The following CCDC85C variants were observed in gnomAD, a reference collection of about 807,000 sequenced individuals.
CCDC85C encodes coiled-coil domain-containing protein 85C.
In CCDC85C, 18 loss-of-function variants were observed where a neutral mutation model predicts 38.3. That is an observed-to-expected ratio of 0.47 (90% CI 0.33 to 0.70). CCDC85C has a LOEUF of 0.70. CCDC85C is among the 30% of genes least tolerant of loss of function. The probability of loss-of-function intolerance (pLI) is 0.03; values close to 1 mark genes in which losing one functional copy is unlikely to be tolerated. For synonymous variants in CCDC85C, 264 were observed against 293.8 expected, an observed-to-expected ratio of 0.90 and a Z score of 1.04; for missense variants, 566 against 621.2, an observed-to-expected ratio of 0.91 and a Z score of 0.94.
intron 1 of CCDC85C, among the ~76,000 whole-genome samples, chr14:99,550,817 TACCAGC>T (rs554573269): frequency 2.1e-4 from 32 of 152,246 alleles, no homozygotes; most frequent in African/African-American, 7.7e-4. Context: ...TGAGCCGAGA[TACCAGC>T]ACCAGCTGAC....
chr14:99,584,620 G>A (rs1221078822), intron 1 of CCDC85C, among the ~76,000 whole-genome samples: 4 of 152,200 alleles, frequency 2.6e-5, no homozygotes, highest in African/African-American at 9.7e-5. Context: ...AATTAGGAAG[G>A]CAGAACTCAG....
intron 1 of CCDC85C, among the ~76,000 whole-genome samples, chr14:99,539,564 G>C (rs1035866419): frequency 6.6e-6 from 1 of 152,006 alleles, no homozygotes; most frequent in Non-Finnish European, 1.5e-5. Flanking sequence ...AACAGCTGAG[G>C]GTTCTACCCT....
Position 99,603,825 on chromosome 14 carries a change from G to A in CCDC85C, c.135C>T (p.Leu45=). 1.3e-6 allele frequency: 2 copies of A among 1,524,154 alleles called. No individual in the cohort carries two copies. The highest frequency in any genetic ancestry group is 8.8e-7 in the Non-Finnish European group (1 of 1,141,948). 94.4% of individuals were successfully genotyped at this position (1,524,154 alleles called of 1,614,324 possible). A position where few individuals can be genotyped will look rare whatever the true frequency, so the allele number is the denominator to read the frequency against. The change falls in exon 1 of 6, where the codon CTC becomes CTT. Residue 45 remains leucine, a synonymous_variant. Transcript: ENST00000380243. The surrounding 1 kb of genome is among the most constrained non-coding windows in gnomAD (Gnocchi z 7.5). ...GCATCAGGCCGCCGTGCTCCAGCATGAGGCCCACCTTCTCGCCCTCGGCGC... is the reference window on the plus strand; with the variant it reads ...GCATCAGGCCGCCGTGCTCCAGCATAAGGCCCACCTTCTCGCCCTCGGCGC... ...LRRAEGEKVG[L]MLEHGGLMRD... is the part of the protein sequence containing the mutation.
At position 99,513,728 on chromosome 14, in the gene CCDC85C, G is replaced by C. The variant is rs958314085; in HGVS notation, c.*1518C>G. 4 of 152,286 alleles carry C rather than the reference G, an allele frequency of 2.6e-5. No individual in the cohort carries two copies. The highest frequency in any genetic ancestry group is 9.6e-5 in the African/African-American group (4 of 41,464). 9.4% of individuals were successfully genotyped at this position (152,286 alleles called of 1,614,324 possible). A position where few individuals can be genotyped will look rare whatever the true frequency, so the allele number is the denominator to read the frequency against. Reference sequence around the variant, plus strand: ...AGGTGGGGCTGAGCAGCCCCTGGAAGAGCACAGGAGTCTGACGAGGACCTG... The same window carrying C: ...AGGTGGGGCTGAGCAGCCCCTGGAACAGCACAGGAGTCTGACGAGGACCTG... On this transcript the variant is annotated 3_prime_UTR_variant, in exon 6 of 6. Coordinates refer to ENST00000380243, the MANE Select transcript of CCDC85C (RefSeq NM_001144995.2).
chr14:99,592,222 G>A (rs1279104952), intron 1 of CCDC85C, among the ~76,000 whole-genome samples: 1 of 152,196 alleles, frequency 6.6e-6, no homozygotes, highest in African/African-American at 2.4e-5. Context: ...TAATGAAAGT[G>A]AATTGAAGCA....
rs540035076 is a variant in CCDC85C, at chr14:99,509,186, C to G, written c.*6060G>C. ...GTGCCTGGGGAACCAGAAGCATCTT[C>G]GTGGCTTTGTCCTCTCTATGTTCTC... On this transcript the variant is annotated 3_prime_UTR_variant, in exon 6 of 6. Coordinates refer to ENST00000380243, the MANE Select transcript of CCDC85C (RefSeq NM_001144995.2). 3 of 152,280 alleles carry G rather than the reference C, an allele frequency of 2.0e-5. No homozygotes were observed. The highest frequency in any genetic ancestry group is 7.2e-5 in the African/African-American group (3 of 41,460). The allele number at this position is 152,280 out of a possible 1,614,324, so 9.4% of individuals were successfully genotyped here. A position where few individuals can be genotyped will look rare whatever the true frequency, so the allele number is the denominator to read the frequency against.
chr14:99,556,893 G>A (rs1898020886), intron 1 of CCDC85C, among the ~76,000 whole-genome samples: 1 of 138,586 alleles, frequency 7.2e-6, no homozygotes, highest in Non-Finnish European at 1.6e-5. Context: ...TAACTCTAAC[G>A]TCTCTAAAAT....
rs946139334 is a variant in CCDC85C at position 99,603,980 on chromosome 14, A to ATCGCCC, written c.-27_-22dup. 2.0e-5 allele frequency: 26 copies of ATCGCCC among 1,306,452 alleles called. No homozygotes were observed. The highest frequency in any genetic ancestry group is 2.0e-5 in the Non-Finnish European group (21 of 1,031,672). 80.9% of individuals were successfully genotyped at this position (1,306,452 alleles called of 1,614,324 possible). A position where few individuals can be genotyped will look rare whatever the true frequency, so the allele number is the denominator to read the frequency against. Reference sequence around the variant, plus strand: ...GCCATGGCGGGGCCGTCACCGCGGCATCGCCCTCGCCCTCGCCCGGCCGGC... The same window carrying ATCGCCC: ...GCCATGGCGGGGCCGTCACCGCGGCATCGCCCTCGCCCTCGCCCTCGCCCGGCCGGC... On this transcript the variant is annotated 5_prime_UTR_variant, in exon 1 of 6. In the 5' UTR this introduces an upstream ATG that the reference lacks. Coordinates refer to ENST00000380243, the MANE Select transcript of CCDC85C (RefSeq NM_001144995.2). The surrounding 1 kb of genome is among the most constrained non-coding windows in gnomAD (Gnocchi z 7.5).
chr14:99,552,297 G>C (rs572854557), intron 1 of CCDC85C, among the ~76,000 whole-genome samples: 1 of 152,208 alleles, frequency 6.6e-6, no homozygotes, highest in Non-Finnish European at 1.5e-5. Flanking sequence ...AGCATTCTGC[G>C]GAGGCTGACA....
rs1272043906 is a variant in CCDC85C at position 99,506,867 on chromosome 14, G to C, written c.*8379C>G. 1.9e-6 allele frequency: 1 copy of C among 536,874 alleles called. No individual in the cohort carries two copies. Among genetic ancestry groups the C allele is most frequent in the Non-Finnish European group, 3.4e-6 (1 of 296,250 alleles). 33.3% of individuals were successfully genotyped at this position (536,874 alleles called of 1,614,324 possible). On this transcript the variant is annotated 3_prime_UTR_variant, in exon 6 of 6. Coordinates refer to ENST00000380243, the MANE Select transcript of CCDC85C (RefSeq NM_001144995.2). ...AAAATGGGCTGCCTGTGGGAAGCTC[G>C]CAGGTCTTTTGGAGGGAGGTGGCAT...
rs370202046 is a variant in CCDC85C at position 99,544,569 on chromosome 14, G to T, written c.794-8481C>A. ...AGGACTCTTCTAGACAACCCACTGA[G>T]GCAGGGGATGGGGCTTGGAAGACAG... is the stretch of plus-strand genomic sequence containing the variant. On this transcript the variant is annotated intron_variant, in intron 1 of 5. Coordinates refer to ENST00000380243, the MANE Select transcript of CCDC85C (RefSeq NM_001144995.2). This position sits in a 1 kb window ranked among gnomAD's most constrained non-coding sequence, Gnocchi z 5.3. 5.3e-5 allele frequency among the ~76,000 whole-genome samples: 8 copies of T among 152,060 alleles called. No individual in the cohort carries two copies. Among genetic ancestry groups the T allele is most frequent in the East Asian group, 1.9e-4 (1 of 5,176 alleles).
intron 2 of CCDC85C, among the ~76,000 whole-genome samples, chr14:99,530,783 G>C (rs1029565106): frequency 1.3e-5 from 2 of 152,236 alleles, no homozygotes; most frequent in African/African-American, 2.4e-5. Flanking sequence ...GACTCTGGGA[G>C]AGAGAGGATT....
chr14:99,553,020 C>T (rs1420604295), intron 1 of CCDC85C, among the ~76,000 whole-genome samples: 1 of 152,178 alleles, frequency 6.6e-6, no homozygotes, highest in East Asian at 1.9e-4. Flanking sequence ...CCCTAGGCTT[C>T]CCCTAGCAGT....
intron 1 of CCDC85C, among the ~76,000 whole-genome samples, chr14:99,597,580 G>A (rs2055156260): frequency 6.6e-6 from 1 of 152,156 alleles, no homozygotes; most frequent in African/African-American, 2.4e-5. Flanking sequence ...TTGCTTGTGG[G>A]CACTGAAGTC....
At chr14:99,531,282 T>C (rs1897487657) in intron 2 of CCDC85C, among the ~76,000 whole-genome samples, 1 of 152,170 alleles carries the variant, frequency 6.6e-6, no homozygotes, top group Non-Finnish European at 1.5e-5. Flanking sequence ...TTTGTAAAGC[T>C]GGCTTTTTTG....
chr14:99,516,248 C>T lies in CCDC85C; in HGVS notation c.1110G>A (p.Gln370=). Reference sequence around the variant, plus strand: ...CACTCAGGTCCTCCTCACAGCTGTCCTGGAGCTGCCGGTCCAGATTCTCGT... The same window carrying T: ...CACTCAGGTCCTCCTCACAGCTGTCTTGGAGCTGCCGGTCCAGATTCTCGT... ...EVHENLDRQL[Q]DSCEEDLSEK... The change falls in exon 5 of 6, where the codon CAG becomes CAA. Residue 370 remains glutamine (Q), a synonymous_variant. Transcript: ENST00000380243. This position sits in a 1 kb window ranked among gnomAD's most constrained non-coding sequence, Gnocchi z 5.5. 6.4e-7 allele frequency: 1 copy of T among 1,551,286 alleles called. No individual in the cohort carries two copies. Among genetic ancestry groups the T allele is most frequent in the Non-Finnish European group, 8.7e-7 (1 of 1,146,966 alleles).
intron 1 of CCDC85C, among the ~76,000 whole-genome samples, chr14:99,597,903 C>T (rs547585280): frequency 6.6e-5 from 10 of 152,352 alleles, no homozygotes; most frequent in African/African-American, 1.7e-4. Context: ...GACATGGAAC[C>T]CATCCTTTAA....
intron 2 of CCDC85C, 111 bp from the exon 3 acceptor site, chr14:99,522,351 A>G (rs1394388201): frequency 8.2e-6 from 6 of 735,830 alleles, no homozygotes; most frequent in Admixed American, 2.6e-5. Flanking sequence ...ACGGCCCCGG[A>G]GGACCCCTCC....
At chr14:99,577,794 T>G in intron 1 of CCDC85C, among the ~76,000 whole-genome samples, 1 of 132,432 alleles carries the variant, frequency 7.6e-6, no homozygotes, top group East Asian at 2.5e-4. Flanking sequence ...GTATCCCCCA[T>G]CAGTGTGTGT....
Sources: allele counts gnomAD v4.1 joint callset (sites outside exome capture counted in the v4.1 genomes callset), GRCh38; gene constraint gnomAD v4.1.1; non-coding constraint Gnocchi (gnomAD v3.1); transcripts MANE v1.5; gene names NCBI Gene and HGNC (gene_info 2026-07-23, HGNC 2026-07-21).